Variants in ASTN2 observed in about 807,000 individuals in gnomAD.
The protein encoded by ASTN2 is astrotactin 2, also known as astrotactin-2.
ASTN2 carries 54 observed loss-of-function variants against 139.8 expected under a neutral mutation model. The ratio of observed to expected loss-of-function variants is 0.39; its 90% CI spans 0.31 to 0.48. The LOEUF (loss-of-function observed/expected upper bound fraction) is 0.48. Ranked by LOEUF, ASTN2 falls within the 20% of genes least tolerant of loss-of-function variation. ASTN2 has a pLI of 0.95. For missense variants in ASTN2, 1,565 were observed against 1,725.1 expected (o/e 0.91, Z 1.64); for synonymous variants, 756 against 719.5 (o/e 1.05, Z -0.81).
rs549967926 is a variant in ASTN2 at position 117,301,075 on chromosome 9, G to T, written c.443-9562C>A. ...TAAGAGCTATTGGCAAGGGAGAAAA[G>T]CATATCGTTTCAGATTAGATTTGGA... On this transcript the variant is annotated intron_variant, in intron 1 of 22. Coordinates refer to ENST00000313400, the MANE Select transcript of ASTN2 (RefSeq NM_001365068.1). Among the ~76,000 whole-genome samples the T allele has an allele frequency of 2.7e-4, 41 of 152,280 alleles. No homozygotes were observed. In the South Asian group the frequency reaches 7.5e-3, roughly 28 times the overall value.
Position 117,021,568 on chromosome 9 carries a change from G to A in ASTN2, c.1424-13309C>T, listed in dbSNP as rs536048859. Among the ~76,000 whole-genome samples the A allele has an allele frequency of 4.9e-4, 75 of 152,268 alleles. No homozygotes were observed. The Middle Eastern group carries it at 0.01, about 21-fold the overall frequency. The stretch of plus-strand genomic sequence containing the variant: ...TCTTTGTTGTTGTCAAATTCATTTA[G>A]ATGAGGAAGTCTTTCTGTTTTTTAT... On this transcript the variant is annotated intron_variant, in intron 6 of 22. Coordinates refer to ENST00000313400, the MANE Select transcript of ASTN2 (RefSeq NM_001365068.1).
intron 7 of ASTN2, among the ~76,000 whole-genome samples, chr9:116,985,256 G>T (rs905543971): frequency 6.6e-6 from 1 of 152,192 alleles, no homozygotes; most frequent in Non-Finnish European, 1.5e-5. Flanking sequence ...TGTGGACTCC[G>T]CATTGTAGCT....
chr9:117,141,382 T>G lies in ASTN2; in HGVS notation c.1112A>C (p.Gln371Pro). 7.3e-7 allele frequency: 1 copy of G among 1,367,542 alleles called. No homozygotes were observed. Among genetic ancestry groups the G allele is most frequent in the African/African-American group, 1.5e-5 (1 of 67,866 alleles). 84.7% of individuals were successfully genotyped at this position (1,367,542 alleles called of 1,614,324 possible). A position where few individuals can be genotyped will look rare whatever the true frequency, so the allele number is the denominator to read the frequency against. ...ANTPIEIGQL[Q>P]PPLRSTSAGK... Reference sequence around the variant, plus strand: ...TGCCGATGTGCTGCGCAGGGGTGGTTGCAGCTGACCGATCTCGATGGGCGT... The same window carrying G: ...TGCCGATGTGCTGCGCAGGGGTGGTGGCAGCTGACCGATCTCGATGGGCGT... Residue 371 changes from glutamine to proline, a missense_variant, in exon 4 of 23, where the codon CAA becomes CCA. By Grantham distance (76) the Gln-to-Pro change is moderately conservative. Coordinates refer to ENST00000313400, the MANE Select transcript of ASTN2 (RefSeq NM_001365068.1).
intron 5 of ASTN2, among the ~76,000 whole-genome samples, chr9:117,054,558 G>T (rs1428346972): frequency 6.6e-6 from 1 of 152,202 alleles, no homozygotes; most frequent in African/African-American, 2.4e-5. Context: ...AGATTCAGGG[G>T]TCATAGAATG....
At chr9:116,723,341 G>A (rs1458380679) in intron 16 of ASTN2, among the ~76,000 whole-genome samples, 1 of 152,162 alleles carries the variant, frequency 6.6e-6, no homozygotes, top group East Asian at 1.9e-4. Flanking sequence ...AGCCATGCAA[G>A]AGAATTACTA....
In ASTN2 at chr9:117,134,266, TTATATATATATATATATATA is replaced by T. The variant is rs5900267; in HGVS notation, c.1168+7040_1168+7059del. ...ATTCATGACCAGTTACTAATGAAAA[TTATATATATATATATATATA>T]TATATATATACACACACACACACAC... On this transcript the variant is annotated intron_variant, in intron 4 of 22. Coordinates refer to ENST00000313400, the MANE Select transcript of ASTN2 (RefSeq NM_001365068.1). 1.4e-3 allele frequency among the ~76,000 whole-genome samples: 127 copies of T among 92,612 alleles called. 1 individual carries two copies. The East Asian group carries it at 0.024, about 18-fold the overall frequency. 60.8% of individuals were successfully genotyped at this position (92,612 alleles called of 152,430 possible).
chr9:116,765,671 C>T (rs1259824188), intron 13 of ASTN2, among the ~76,000 whole-genome samples: 1 of 151,848 alleles, frequency 6.6e-6, no homozygotes, highest in South Asian at 2.1e-4. Context: ...GAATACTGTA[C>T]AGGCATTAAA....
intron 11 of ASTN2, among the ~76,000 whole-genome samples, chr9:116,851,997 G>A (rs1342590909): frequency 6.6e-6 from 1 of 152,204 alleles, no homozygotes; most frequent in African/African-American, 2.4e-5. Flanking sequence ...CAGGAGCATA[G>A]CTGAGGATTC....
At chr9:117,307,998 G>C (rs1323156136) in intron 1 of ASTN2, among the ~76,000 whole-genome samples, 3 of 152,118 alleles carry the variant, frequency 2.0e-5, no homozygotes, top group Non-Finnish European at 2.9e-5. Flanking sequence ...AATCCTTTCT[G>C]ATTTTGTTAT....
At chr9:117,052,539 A>T (rs1838945155) in intron 5 of ASTN2, among the ~76,000 whole-genome samples, 1 of 152,310 alleles carries the variant, frequency 6.6e-6, no homozygotes, top group East Asian at 1.9e-4. Flanking sequence ...ATCATCATCA[A>T]CAAATTTAAG....
In ASTN2 at chr9:116,729,077, C is replaced by T; in HGVS notation, c.2541G>A (p.Glu847=). The change falls in exon 15 of 23, where the codon GAG becomes GAA. Residue 847 remains glutamate (E), a synonymous_variant. Transcript: ENST00000313400. ...GCTGCACCATGGGGTAACCCATGGC[C>T]TCATCATACCTGATATCTCCTGGGA... ...QLLTGDIRYD[E]AMGYPMVQQW... 10 of 1,591,182 alleles carry T rather than the reference C, an allele frequency of 6.3e-6. No homozygotes were observed. Among genetic ancestry groups the T allele is most frequent in the South Asian group, 2.3e-5 (2 of 87,350 alleles).
intron 19 of ASTN2, among the ~76,000 whole-genome samples, chr9:116,615,542 G>T (rs1855800714): frequency 6.6e-6 from 1 of 152,164 alleles, no homozygotes; most frequent in Non-Finnish European, 1.5e-5. Context: ...ATACTATGCA[G>T]CCATGAAAAA....
At chr9:117,089,173 A>G (rs1267786525) in intron 5 of ASTN2, among the ~76,000 whole-genome samples, 2 of 152,222 alleles carry the variant, frequency 1.3e-5, no homozygotes, top group Non-Finnish European at 2.9e-5. Flanking sequence ...TCTTGATGAC[A>G]TATGATGTAA....
chr9:117,002,060 C>T (rs544591053), intron 7 of ASTN2, among the ~76,000 whole-genome samples: 13 of 152,238 alleles, frequency 8.5e-5, no homozygotes, highest in Admixed American at 5.2e-4. Context: ...TCTTATGTTC[C>T]TATTTCAATT....
chr9:117,395,588 G>A (rs1046216649), intron 1 of ASTN2, among the ~76,000 whole-genome samples: 2 of 152,190 alleles, frequency 1.3e-5, no homozygotes, highest in Non-Finnish European at 2.9e-5. Context: ...TCTGAGTTCT[G>A]TGTTCATAAG....
At chr9:116,726,362 A>C (rs12376144) in intron 15 of ASTN2, among the ~76,000 whole-genome samples, 82,837 of 151,820 alleles carry the variant, frequency 0.55, 23,550 homozygotes, top group South Asian at 0.72. Context: ...CAACAACAAC[A>C]CCCATTGTAT....
In ASTN2 at chr9:117,144,607, T is replaced by TCAGTAAGA. The variant is rs917038354; in HGVS notation, c.1016-3137_1016-3130dup. Among the ~76,000 whole-genome samples, 3 of 148,660 alleles carry TCAGTAAGA rather than the reference T, an allele frequency of 2.0e-5. 1 individual carries two copies. The highest frequency in any genetic ancestry group is 5.1e-5 in the African/African-American group (2 of 39,524). Reference sequence around the variant, plus strand: ...TTGCACAGATACGGATGACAGTTCCTCAGTAAGAGGAGGAACACTGTAAGA... The same window carrying TCAGTAAGA: ...TTGCACAGATACGGATGACAGTTCCTCAGTAAGACAGTAAGAGGAGGAACACTGTAAGA... On this transcript the variant is annotated intron_variant, in intron 3 of 22. Transcript: ENST00000313400.
At chr9:117,235,739 T>C (rs1833026244) in intron 2 of ASTN2, among the ~76,000 whole-genome samples, 2 of 152,126 alleles carry the variant, frequency 1.3e-5, no homozygotes, top group South Asian at 4.1e-4. Flanking sequence ...GTAATGAAGA[T>C]AATATTTCAA....
intron 2 of ASTN2, among the ~76,000 whole-genome samples, chr9:117,273,024 T>C (rs575616253): frequency 4.6e-5 from 7 of 152,210 alleles, no homozygotes; most frequent in Non-Finnish European, 1.0e-4. Flanking sequence ...TTTAGTCCTT[T>C]TTCACATCGC....
Sources: allele counts gnomAD v4.1 joint callset (sites outside exome capture counted in the v4.1 genomes callset), GRCh38; gene constraint gnomAD v4.1.1; transcripts MANE v1.5; gene names NCBI Gene and HGNC (gene_info 2026-07-23, HGNC 2026-07-21).